ZNF676: variants seen among roughly 807,000 people sequenced by gnomAD.
ZNF676 encodes zinc finger protein 676.
In ZNF676, 4 loss-of-function variants were observed where a neutral mutation model predicts 6.0. That is an observed-to-expected ratio of 0.67 (90% CI 0.33 to 1.53). ZNF676 has a LOEUF of 1.53. ZNF676 is among the 40% of genes most tolerant of loss of function. The probability of loss-of-function intolerance (pLI) is 0.06; values close to 1 mark genes in which losing one functional copy is unlikely to be tolerated. For synonymous variants in ZNF676, 198 were observed against 223.1 expected, an observed-to-expected ratio of 0.89 and a Z score of 1.00; for missense variants, 644 against 679.7, an observed-to-expected ratio of 0.95 and a Z score of 0.58.
chr19:22,183,738 G>C (rs190994364), intron 2 of ZNF676, among the ~76,000 whole-genome samples: 6 of 152,314 alleles, frequency 3.9e-5, no homozygotes, highest in Admixed American at 3.9e-4. Context: ...GATGGAAGTA[G>C]ACATTTCATG....
chr19:22,193,647 G>A (rs1358482473), intron 1 of ZNF676, among the ~76,000 whole-genome samples: 1 of 152,080 alleles, frequency 6.6e-6, no homozygotes, highest in Non-Finnish European at 1.5e-5. Context: ...AAAAGGAGAG[G>A]AGAATTGGCC....
intron 2 of ZNF676, among the ~76,000 whole-genome samples, chr19:22,182,921 T>G (rs1020438788): frequency 1.3e-5 from 2 of 152,046 alleles, no homozygotes; most frequent in Non-Finnish European, 2.9e-5. Context: ...ATTTGAGAGA[T>G]AAAAGCACAG....
Position 22,180,735 on chromosome 19 carries a change from T to C in ZNF676, c.982A>G (p.Lys328Glu), listed in dbSNP as rs369672319. The C allele has an allele frequency of 1.4e-5, 23 of 1,612,930 alleles. No individual in the cohort carries two copies. The highest frequency in any genetic ancestry group is 1.7e-5 in the Non-Finnish European group (20 of 1,179,318). Reference sequence around the variant, plus strand: ...GGTTTCTCTCCAGCATGAATTCTCTTGTGTTCAGTAAGGCTTGAGGACCAG... The same window carrying C: ...GGTTTCTCTCCAGCATGAATTCTCTCGTGTTCAGTAAGGCTTGAGGACCAG... ...FSWSSSLTEHKRIHAGEKPYK... is the reference protein window; with the variant it reads ...FSWSSSLTEHERIHAGEKPYK... The change falls in exon 3 of 3, where the codon AAG becomes GAG. Residue 328 changes from lysine (K) to glutamate (E), a missense_variant. Lys to Glu is a moderately conservative substitution (Grantham distance 56). Around this residue, in one of 5 missense-constraint regions of ZNF676, gnomAD observed 29 missense variants for 44.4 expected, o/e 0.65. Transcript: ENST00000397121.
intron 2 of ZNF676, among the ~76,000 whole-genome samples, chr19:22,190,630 CATATATAT>C (rs74174059): frequency 1.2e-3 from 80 of 66,820 alleles, no homozygotes; most frequent in East Asian, 0.01. Context: ...TAGAATGCAA[CATATATAT>C]ATATATATAT....
At chr19:22,188,431 T>C (rs1259490022) in intron 2 of ZNF676, among the ~76,000 whole-genome samples, 1 of 152,154 alleles carries the variant, frequency 6.6e-6, no homozygotes, top group Non-Finnish European at 1.5e-5. Context: ...ACTGTAAGCA[T>C]TCCCTTTGAA....
At chr19:22,209,139 C>T (rs989906849) in intron 1 of ZNF676, among the ~76,000 whole-genome samples, 1 of 151,982 alleles carries the variant, frequency 6.6e-6, no homozygotes, top group Admixed American at 6.6e-5. Context: ...GTGGCACACG[C>T]CTGTAATCCC....
At chr19:22,184,292 A>G (rs1485013413) in intron 2 of ZNF676, among the ~76,000 whole-genome samples, 1 of 152,106 alleles carries the variant, frequency 6.6e-6, no homozygotes, top group East Asian at 1.9e-4. Flanking sequence ...GGAAGGGTTT[A>G]GGGACTGTAC....
chr19:22,183,482 A>C (rs2023790363), intron 2 of ZNF676, among the ~76,000 whole-genome samples: 1 of 152,106 alleles, frequency 6.6e-6, no homozygotes, highest in African/African-American at 2.4e-5. Flanking sequence ...GGATTACAAA[A>C]GTCTACCAAC....
the ZNF676 span, among the ~76,000 whole-genome samples, chr19:22,242,268 G>A: frequency 2.6e-5 from 4 of 152,010 alleles, no homozygotes; most frequent in East Asian, 1.9e-4. Flanking sequence ...CATTTTTGAG[G>A]CCAGGGACCA....
In ZNF676 at chr19:22,179,937, A is replaced by T; in HGVS notation, c.*13T>A. ...GAGAATCAGCTGAAGGATTTACCAC[A>T]TTCTTCACATTTTTAGGGATTCTCT... On this transcript the variant is annotated 3_prime_UTR_variant, in exon 3 of 3. Coordinates refer to ENST00000397121, the MANE Select transcript of ZNF676 (RefSeq NM_001001411.3). 1 of 1,610,308 alleles carries T rather than the reference A, an allele frequency of 6.2e-7. No homozygotes were observed. The highest frequency in any genetic ancestry group is 8.5e-7 in the Non-Finnish European group (1 of 1,177,948).
At chr19:22,237,973 G>A in the ZNF676 span, among the ~76,000 whole-genome samples, 726 of 152,234 alleles carry the variant, frequency 4.8e-3, 8 homozygotes, top group African/African-American at 0.016. Context: ...CAGGAGATGA[G>A]ACTCTCACAC....
the ZNF676 span, among the ~76,000 whole-genome samples, chr19:22,227,284 C>A: frequency 1.8e-3 from 268 of 152,158 alleles, 1 homozygote; most frequent in African/African-American, 6.1e-3. Context: ...GAAATGAAGG[C>A]AGAAATAAGT....
In ZNF676 at chr19:22,180,515, G is replaced by A; in HGVS notation, c.1202C>T (p.Ala401Val). Residue 401 changes from alanine (A) to valine (V), a missense_variant, in exon 3 of 3, where the codon GCT becomes GTT. This residue lies in a region of ZNF676 where 306 missense variants were observed against 265.4 expected (regional missense o/e 1.15). Transcript: ENST00000397121. ...KPYKCEECGK[A>V]SNSSSKLMEH... ...CATGAGCTTTGAGGATGAGTTGGAAGCTTTGCCACATTCTTCACATTTGTA... is the reference window on the plus strand; with the variant it reads ...CATGAGCTTTGAGGATGAGTTGGAAACTTTGCCACATTCTTCACATTTGTA... The A allele has an allele frequency of 6.2e-7, 1 of 1,610,022 alleles. No individual in the cohort carries two copies. The highest frequency in any genetic ancestry group is 8.5e-7 in the Non-Finnish European group (1 of 1,179,474).
At chr19:22,206,731 C>CA (rs2024080177) in intron 1 of ZNF676, among the ~76,000 whole-genome samples, 3 of 150,902 alleles carry the variant, frequency 2.0e-5, no homozygotes, top group Admixed American at 2.0e-4. Context: ...AGCAGCATAT[C>CA]AAAAACCTAA....
the ZNF676 span, among the ~76,000 whole-genome samples, chr19:22,241,522 T>G: frequency 1.3e-5 from 2 of 151,842 alleles, no homozygotes; most frequent in African/African-American, 4.9e-5. Flanking sequence ...TCAACTGTGG[T>G]CTGTGTTCAT....
chr19:22,249,095 T>C, the ZNF676 span, among the ~76,000 whole-genome samples: 44 of 152,222 alleles, frequency 2.9e-4, no homozygotes, highest in African/African-American at 9.9e-4. Context: ...TGCTTAAGTC[T>C]AATTTTTTTT....
chr19:22,238,106 G>A, the ZNF676 span, among the ~76,000 whole-genome samples: 1 of 152,190 alleles, frequency 6.6e-6, no homozygotes, highest in African/African-American at 2.4e-5. Flanking sequence ...GCTTCATTAT[G>A]TTCCTTGGTT....
Position 22,196,802 on chromosome 19 carries a change from GGAGA to G in ZNF676, c.-173_-170del, listed in dbSNP as rs1322516466. ...CTTTTAATGTGACTCAAGGTAAAAT[GGAGA>G]GAGTAGAGAGAGCTGGTTCTGACTT... On this transcript the variant is annotated 5_prime_UTR_variant, in exon 1 of 3. An upstream open reading frame in the 5' UTR loses its in-frame stop. Coordinates refer to ENST00000397121, the MANE Select transcript of ZNF676 (RefSeq NM_001001411.3). 2.7e-4 allele frequency: 348 copies of G among 1,306,644 alleles called. 1 individual carries two copies. The highest frequency in any genetic ancestry group is 1.3e-5 in the Non-Finnish European group (12 of 921,242). The allele number at this position is 1,306,644 out of a possible 1,614,324, so 80.9% of individuals were successfully genotyped here.
intron 2 of ZNF676, among the ~76,000 whole-genome samples, chr19:22,191,173 G>C: frequency 6.6e-6 from 1 of 151,616 alleles, no homozygotes; most frequent in East Asian, 2.1e-4. Flanking sequence ...GCCTTTAAGA[G>C]AGCTTTGAGA....
Sources: allele counts gnomAD v4.1 joint callset (sites outside exome capture counted in the v4.1 genomes callset), GRCh38; gene constraint gnomAD v4.1.1; regional missense constraint gnomAD v4.1.1; transcripts MANE v1.5; gene names NCBI Gene and HGNC (gene_info 2026-07-23, HGNC 2026-07-21).